Variants in LMOD1 observed in about 807,000 individuals in gnomAD.
LMOD1 encodes leiomodin-1.
Under a neutral mutation model 36.5 loss-of-function variants are expected in LMOD1, and 8 were observed. That is an observed-to-expected ratio of 0.22 (90% CI 0.13 to 0.40). The LOEUF (loss-of-function observed/expected upper bound fraction) is 0.40, where lower values mean the gene tolerates loss of function less well. Among genes scored for constraint, LMOD1 ranks in the 10% least tolerant of loss-of-function variants. The pLI is 1.00. For synonymous variants in LMOD1, 284 were observed against 288.7 expected (o/e 0.98, Z 0.17); for missense variants, 630 against 751.1 (o/e 0.84, Z 1.88).
intron 1 of LMOD1, among the ~76,000 whole-genome samples, chr1:201,912,684 C>CCCCA (rs1362583835): frequency 1.3e-5 from 2 of 152,040 alleles, no homozygotes; most frequent in African/African-American, 4.8e-5. Context: ...CATGGTGAAA[C>CCCCA]CCCATCTCTA....
At chr1:201,945,017 T>G (rs749472512) in intron 1 of LMOD1, among the ~76,000 whole-genome samples, 4 of 152,240 alleles carry the variant, frequency 2.6e-5, no homozygotes, top group Non-Finnish European at 5.9e-5. Flanking sequence ...GAATTGAGAC[T>G]GATCTTTTTC....
chr1:201,927,696 G>C (rs1681851706), intron 1 of LMOD1, among the ~76,000 whole-genome samples: 1 of 152,234 alleles, frequency 6.6e-6, no homozygotes, highest in Non-Finnish European at 1.5e-5. Context: ...ATTGGGGTAG[G>C]TGAGATGATC....
Position 201,946,492 on chromosome 1 carries a change from AG to A in LMOD1, c.-153del. The A allele has an allele frequency of 1.3e-6, 1 of 760,334 alleles. No homozygotes were observed. The allele number at this position is 760,334 out of a possible 1,614,324, so 47.1% of individuals were successfully genotyped here. A position where few individuals can be genotyped will look rare whatever the true frequency, so the allele number is the denominator to read the frequency against. ...CAGCTCCTTGGCCCTTCTGTGCTAC[AG>A]GTGCTGAAGTGTTCACTGGACGCAG... On this transcript the variant is annotated 5_prime_UTR_variant, in exon 1 of 3. Transcript: ENST00000367288.
chr1:201,937,460 AAAAAAAACAAAAAC>A (rs1046194514), intron 1 of LMOD1, among the ~76,000 whole-genome samples: 2 of 151,228 alleles, frequency 1.3e-5, no homozygotes, highest in Non-Finnish European at 2.9e-5. Context: ...CAAACAAACA[AAAAAAAACAAAAAC>A]AAAAAAACAA....
rs955250815 is a variant in LMOD1 at position 201,938,882 on chromosome 1, G to C, written c.261+7198C>G. ...CCCAAAGCAGCCTTGGCTTTTCTGA[G>C]CTTGTGCTGGGGTGGAAGCCTGCAG... On this transcript the variant is annotated intron_variant, in intron 1 of 2. Coordinates refer to ENST00000367288, the MANE Select transcript of LMOD1 (RefSeq NM_012134.3). 3.3e-5 allele frequency among the ~76,000 whole-genome samples: 5 copies of C among 152,200 alleles called. No individual in the cohort carries two copies. In the East Asian group the frequency reaches 9.6e-4, roughly 29 times the overall value.
rs1002151471 is a variant in LMOD1, at chr1:201,900,169, C to T, written c.844G>A (p.Ala282Thr). The T allele has an allele frequency of 5.0e-6, 8 of 1,613,856 alleles. No individual in the cohort carries two copies. Among genetic ancestry groups the T allele is most frequent in the Non-Finnish European group, 6.8e-6 (8 of 1,179,898 alleles). The change falls in exon 2 of 3, where the codon GCC (alanine) becomes ACC (threonine). Residue 282 changes from alanine to threonine, a missense_variant. Physicochemically the swap from Ala to Thr is moderately conservative, Grantham distance 58 (BLOSUM62 0). This residue lies in a region of LMOD1 where 405 missense variants were observed against 400.6 expected (regional missense o/e 1.01). Transcript: ENST00000367288. ...KKNEPLHEKE[A>T]KDDSKTKTPE... is the part of the protein sequence containing the mutation. The stretch of plus-strand genomic sequence containing the variant: ...GTTTTGGTCTTGCTGTCATCCTTGG[C>T]TTCCTTTTCATGTAAGGGTTCATTC...
rs2102906454 is a variant in LMOD1 at position 201,898,090 on chromosome 1, A to G, written c.*282T>C. 2.0e-6 allele frequency: 1 copy of G among 498,934 alleles called. No individual in the cohort carries two copies. Among genetic ancestry groups the G allele is most frequent in the African/African-American group, 2.0e-5 (1 of 51,116 alleles). 30.9% of individuals were successfully genotyped at this position (498,934 alleles called of 1,614,324 possible). On this transcript the variant is annotated 3_prime_UTR_variant, in exon 3 of 3. Transcript: ENST00000367288. ...CTTGCCAGCTACATGGGCCCTGGAC[A>G]GTGCCATCTTCTCAGTGATGTGCTA...
chr1:201,923,387 C>T (rs1681738397), intron 1 of LMOD1, among the ~76,000 whole-genome samples: 1 of 152,036 alleles, frequency 6.6e-6, no homozygotes, highest in Non-Finnish European at 1.5e-5. Flanking sequence ...ATTATTTTTT[C>T]TATTAAGTTA....
At position 201,900,317 on chromosome 1, in the gene LMOD1, G is replaced by A; in HGVS notation, c.696C>T (p.Thr232=). 1 of 1,598,006 alleles carries A rather than the reference G, an allele frequency of 6.3e-7. No homozygotes were observed. The highest frequency in any genetic ancestry group is 1.8e-5 in the Admixed American group (1 of 56,376). ...TTTTCATCTTCTCACCCTCTTTTCT[G>A]GTGTCTGTGTTCCTACGCTCCCCTT... ...KVKGERRNTD[T]RKEGEKMKRA... The change falls in exon 2 of 3, where the codon ACC becomes ACT. Residue 232 remains threonine (T), a synonymous_variant. Coordinates refer to ENST00000367288, the MANE Select transcript of LMOD1 (RefSeq NM_012134.3).
chr1:201,906,110 G>A (rs572281975), intron 1 of LMOD1, among the ~76,000 whole-genome samples: 2 of 152,240 alleles, frequency 1.3e-5, no homozygotes, highest in East Asian at 3.9e-4. Flanking sequence ...GCTTCTAGGA[G>A]ACTTTTTCTA....
At chr1:201,923,283 G>A (rs927328932) in intron 1 of LMOD1, among the ~76,000 whole-genome samples, 1 of 152,146 alleles carries the variant, frequency 6.6e-6, no homozygotes, top group African/African-American at 2.4e-5. Flanking sequence ...CACCCATCCT[G>A]GAATTTGACA....
chr1:201,907,999 C>T (rs983487111), intron 1 of LMOD1, among the ~76,000 whole-genome samples: 1 of 152,224 alleles, frequency 6.6e-6, no homozygotes, highest in Admixed American at 6.5e-5. Context: ...ATAGAGCAGG[C>T]CTCCCCGCTG....
Position 201,900,278 on chromosome 1 carries a change from G to A in LMOD1, c.735C>T (p.Asn245=). 1 of 1,611,736 alleles carries A rather than the reference G, an allele frequency of 6.2e-7. No individual in the cohort carries two copies. Among genetic ancestry groups the A allele is most frequent in the Non-Finnish European group, 8.5e-7 (1 of 1,178,800 alleles). Residue 245 remains asparagine (N), a synonymous_variant, in exon 2 of 3, where the codon AAC becomes AAT. Coordinates refer to ENST00000367288, the MANE Select transcript of LMOD1 (RefSeq NM_012134.3). ...TCTCATCCTCCTTTTTCATGTCTGT[G>A]TTCCCACCTGCTCTTTTCATCTTCT... ...EGEKMKRAGG[N]TDMKKEDEKV...
intron 1 of LMOD1, among the ~76,000 whole-genome samples, chr1:201,942,289 C>G (rs939015424): frequency 1.3e-4 from 20 of 152,172 alleles, no homozygotes; most frequent in Non-Finnish European, 2.5e-4. Flanking sequence ...CCCAAGAAAA[C>G]AGATGATTAT....
intron 1 of LMOD1, among the ~76,000 whole-genome samples, chr1:201,924,197 A>T (rs1314434709): frequency 6.7e-6 from 1 of 150,096 alleles, no homozygotes; most frequent in Non-Finnish European, 1.5e-5. Context: ...GGTGGCGGGC[A>T]CCTATAGTCC....
At position 201,946,510 on chromosome 1, in the gene LMOD1, T is replaced by C. The variant is rs1250977031; in HGVS notation, c.-170A>G. On this transcript the variant is annotated 5_prime_UTR_variant, in exon 1 of 3. Transcript: ENST00000367288. ...GTGCTACAGGTGCTGAAGTGTTCAC[T>C]GGACGCAGCAGCCTCCCTGAAGCCC... is the stretch of plus-strand genomic sequence containing the variant. The C allele has an allele frequency of 7.2e-6, 5 of 690,544 alleles. No individual in the cohort carries two copies. Among genetic ancestry groups the C allele is most frequent in the African/African-American group, 1.8e-5 (1 of 55,434 alleles). The allele number at this position is 690,544 out of a possible 1,614,324, so 42.8% of individuals were successfully genotyped here.
chr1:201,907,878 T>C lies in LMOD1; in HGVS notation c.262-7127A>G, dbSNP rs913821595. 2.0e-5 allele frequency among the ~76,000 whole-genome samples: 3 copies of C among 152,124 alleles called. No homozygotes were observed. The East Asian group carries it at 5.8e-4, about 29-fold the overall frequency. ...TGTCAACACTGTATGAGGGACACAG[T>C]GCTACATGAGAAACAGTCTTGCCCT... On this transcript the variant is annotated intron_variant, in intron 1 of 2. Transcript: ENST00000367288.
chr1:201,901,502 C>CAAAAAAA (rs533788169), intron 1 of LMOD1, among the ~76,000 whole-genome samples: 2 of 73,656 alleles, frequency 2.7e-5, no homozygotes, highest in African/African-American at 1.2e-4. Flanking sequence ...AACTCTGTCT[C>CAAAAAAA]AAAAAAAAAA....
intron 1 of LMOD1, among the ~76,000 whole-genome samples, chr1:201,901,573 T>C (rs1255671227): frequency 3.0e-5 from 1 of 33,124 alleles, no homozygotes; most frequent in Admixed American, 4.9e-4. Flanking sequence ...TGTATATATA[T>C]ATATATATAT....
Sources: allele counts gnomAD v4.1 joint callset (sites outside exome capture counted in the v4.1 genomes callset), GRCh38; gene constraint gnomAD v4.1.1; regional missense constraint gnomAD v4.1.1; transcripts MANE v1.5; gene names NCBI Gene and HGNC (gene_info 2026-07-23, HGNC 2026-07-21).